The following HIPK2 variants were observed in gnomAD, a reference collection of about 807,000 sequenced individuals.
The protein encoded by HIPK2 is homeodomain interacting protein kinase 2.
HIPK2 carries 27 observed loss-of-function variants against 113.7 expected under a neutral mutation model. The ratio of observed to expected loss-of-function variants is 0.24; its 90% CI spans 0.17 to 0.33. The LOEUF is 0.33. HIPK2 is among the 10% of genes least tolerant of loss of function. HIPK2 has a pLI of 1.00. For missense variants in HIPK2, 1,257 were observed against 1,588.0 expected, an observed-to-expected ratio of 0.79 and a Z score of 3.54; for synonymous variants, 631 against 642.2, an observed-to-expected ratio of 0.98 and a Z score of 0.26.
chr7:139,744,510 T>C (rs1347082090), intron 1 of HIPK2, among the ~76,000 whole-genome samples: 2 of 152,194 alleles, frequency 1.3e-5, no homozygotes, highest in African/African-American at 2.4e-5. Flanking sequence ...ATGTACAACT[T>C]AGTGAACAGG....
intron 2 of HIPK2, among the ~76,000 whole-genome samples, chr7:139,703,835 C>A (rs1794789792): frequency 7.4e-6 from 1 of 135,742 alleles, no homozygotes; most frequent in Non-Finnish European, 1.6e-5. Context: ...ACATACACCT[C>A]CCCCACACCC....
At chr7:139,643,114 T>C (rs943849345) in intron 2 of HIPK2, among the ~76,000 whole-genome samples, 2 of 152,212 alleles carry the variant, frequency 1.3e-5, no homozygotes, top group African/African-American at 2.4e-5. Flanking sequence ...CCCTCACTGA[T>C]GATTCTGTCA....
intron 1 of HIPK2, among the ~76,000 whole-genome samples, chr7:139,776,348 G>A (rs1239118900): frequency 6.6e-6 from 1 of 151,772 alleles, no homozygotes; most frequent in Non-Finnish European, 1.5e-5. Flanking sequence ...GGGCCTGACT[G>A]GTAACTTTAT....
intron 1 of HIPK2, among the ~76,000 whole-genome samples, chr7:139,730,508 G>C (rs1795743600): frequency 6.6e-6 from 1 of 152,012 alleles, no homozygotes; most frequent in Non-Finnish European, 1.5e-5. Flanking sequence ...TTACAGGCAT[G>C]AGCCAACATG....
At chr7:139,728,836 T>C (rs1795672348) in intron 1 of HIPK2, among the ~76,000 whole-genome samples, 1 of 152,250 alleles carries the variant, frequency 6.6e-6, no homozygotes, top group South Asian at 2.1e-4. Flanking sequence ...ACTTTGTGCT[T>C]TCTCTATATC....
At chr7:139,677,275 AC>A (rs1802537392) in intron 2 of HIPK2, among the ~76,000 whole-genome samples, 1 of 151,744 alleles carries the variant, frequency 6.6e-6, no homozygotes, top group Non-Finnish European at 1.5e-5. Context: ...ACACACACAC[AC>A]ACACATATAT....
intron 2 of HIPK2, among the ~76,000 whole-genome samples, chr7:139,706,891 G>A (rs537826041): frequency 6.6e-6 from 1 of 152,246 alleles, no homozygotes; most frequent in Non-Finnish European, 1.5e-5. Context: ...CGGCCACACT[G>A]TGGCCTCAGT....
chr7:139,644,812 G>T (rs1801151207), intron 2 of HIPK2, among the ~76,000 whole-genome samples: 1 of 152,182 alleles, frequency 6.6e-6, no homozygotes, highest in Non-Finnish European at 1.5e-5. Flanking sequence ...TGCAGATGTG[G>T]CGTCTTCACT....
In HIPK2 at chr7:139,714,233, G is replaced by T. The variant is rs557328081; in HGVS notation, c.1103+1699C>A. The stretch of plus-strand genomic sequence containing the variant: ...GCAGAGAAGAGGCTCGCAGAGAGCT[G>T]TTCTAACTCAGGAAATGCCTCCTAA... On this transcript the variant is annotated intron_variant, in intron 2 of 14. Transcript: ENST00000406875. This position sits in a 1 kb window ranked among gnomAD's most constrained non-coding sequence, Gnocchi z 4.2. 7.9e-5 allele frequency among the ~76,000 whole-genome samples: 12 copies of T among 152,362 alleles called. No homozygotes were observed. The South Asian group carries it at 2.5e-3, about 32-fold the overall frequency.
chr7:139,717,901 GC>G (rs201235209), intron 1 of HIPK2, among the ~76,000 whole-genome samples: 4,069 of 151,970 alleles, frequency 0.027, 88 homozygotes, highest in Non-Finnish European at 0.044. Context: ...CTGCCACCAC[GC>G]CCGACTAATT....
intron 2 of HIPK2, among the ~76,000 whole-genome samples, chr7:139,707,817 G>A (rs1335566654): frequency 6.6e-6 from 1 of 152,222 alleles, no homozygotes; most frequent in African/African-American, 2.4e-5. Flanking sequence ...TTGGCAGTGA[G>A]TGCGCTATCC....
intron 2 of HIPK2, among the ~76,000 whole-genome samples, chr7:139,699,151 A>C (rs1794640170): frequency 6.6e-6 from 1 of 152,066 alleles, no homozygotes; most frequent in Admixed American, 6.5e-5. Context: ...TGAGACAGAG[A>C]TACTGGAGAG....
intron 2 of HIPK2, among the ~76,000 whole-genome samples, chr7:139,708,742 C>T (rs949985001): frequency 3.9e-5 from 6 of 152,170 alleles, no homozygotes; most frequent in Non-Finnish European, 7.3e-5. Context: ...ATGCTTGCTG[C>T]GTGTGCCTTG....
chr7:139,748,181 TCTGCCC>T (rs1337896532), intron 1 of HIPK2, among the ~76,000 whole-genome samples: 1 of 152,202 alleles, frequency 6.6e-6, no homozygotes, highest in Non-Finnish European at 1.5e-5. Context: ...CGGAAGCTGG[TCTGCCC>T]ATCTGAGCCG....
rs201027239 is a variant in HIPK2, at chr7:139,710,747, C to T, written c.1103+5185G>A. Among the ~76,000 whole-genome samples the T allele has an allele frequency of 3.3e-5, 5 of 152,294 alleles. No homozygotes were observed. The East Asian group carries it at 7.7e-4, about 23-fold the overall frequency. ...TCTCATGTTGAATTGTGATCTCCAA[C>T]GTTGGAGGAGGGGCCTGGTGAAAGA... On this transcript the variant is annotated intron_variant, in intron 2 of 14. Coordinates refer to ENST00000406875, the MANE Select transcript of HIPK2 (RefSeq NM_022740.5).
intron 1 of HIPK2, among the ~76,000 whole-genome samples, chr7:139,739,974 G>A (rs78447689): frequency 0.024 from 3,625 of 152,134 alleles, 126 homozygotes; most frequent in African/African-American, 0.082. Flanking sequence ...TGGACATTTG[G>A]GCTGCTTCTC....
At chr7:139,664,298 G>A (rs1451662925) in intron 2 of HIPK2, among the ~76,000 whole-genome samples, 1 of 152,164 alleles carries the variant, frequency 6.6e-6, no homozygotes, top group Non-Finnish European at 1.5e-5. Flanking sequence ...GCAACTTTGG[G>A]AGGCCAAGGC....
chr7:139,687,712 C>T (rs536382587), intron 2 of HIPK2, among the ~76,000 whole-genome samples: 1 of 152,310 alleles, frequency 6.6e-6, no homozygotes, highest in East Asian at 1.9e-4. Context: ...GGAGAAAATA[C>T]TAGTCTCCTG....
intron 1 of HIPK2, among the ~76,000 whole-genome samples, chr7:139,755,591 C>T (rs998182786): frequency 3.9e-5 from 6 of 152,198 alleles, no homozygotes; most frequent in Non-Finnish European, 8.8e-5. Flanking sequence ...TTTTTTCTCC[C>T]TCAATGGAAC....
Sources: allele counts gnomAD v4.1 joint callset (sites outside exome capture counted in the v4.1 genomes callset), GRCh38; gene constraint gnomAD v4.1.1; non-coding constraint Gnocchi (gnomAD v3.1); transcripts MANE v1.5; gene names NCBI Gene and HGNC (gene_info 2026-07-23, HGNC 2026-07-21).